MAIP1: variants seen among roughly 807,000 people sequenced by gnomAD.
The protein encoded by MAIP1 is matrix AAA peptidase interacting protein 1.
MAIP1 carries 28 observed loss-of-function variants against 31.2 expected under a neutral mutation model. The observed-to-expected ratio is 0.90, with a 90% confidence interval of 0.67 to 1.23. The LOEUF (loss-of-function observed/expected upper bound fraction) is 1.23, where lower values mean the gene tolerates loss of function less well. Ranked by LOEUF, MAIP1 falls within the 50% of genes most tolerant of loss-of-function variation. The probability of loss-of-function intolerance (pLI) is 0.00; values close to 1 mark genes in which losing one functional copy is unlikely to be tolerated. For missense variants in MAIP1, 339 were observed against 356.0 expected (o/e 0.95, Z 0.38); for synonymous variants, 142 against 142.3 (o/e 1.00, Z 0.02).
At chr2:199,955,367 G>T, upstream of MAIP1, 2 of 1,610,432 alleles carry the variant, frequency 1.2e-6, no homozygotes, top group Non-Finnish European at 1.7e-6. Flanking sequence ...GGTTTCTCGA[G>T]GTTCTGCCCC....
rs2077601255 is a variant in MAIP1, at chr2:199,956,096, G to A, written c.298G>A (p.Glu100Lys). Reference protein sequence around the residue: ...ACPQRSYSTEEKPQQHQKTKM... With the variant: ...ACPQRSYSTEKKPQQHQKTKM... ...CCCTCAGCGCAGCTACAGCACGGAG[G>A]AGAAGCCCCAGCAGCACCAGAAAAC... The change falls in exon 1 of 5, where the codon GAG becomes AAG. Residue 100 changes from glutamate to lysine, a missense_variant. Transcript: ENST00000392290. The A allele has an allele frequency of 3.1e-6, 5 of 1,614,024 alleles. No homozygotes were observed. The highest frequency in any genetic ancestry group is 3.3e-4 in the Middle Eastern group (2 of 6,084).
rs1377642335 is a variant in MAIP1, at chr2:199,959,848, C to T, written c.617C>T (p.Thr206Ile). ...ATAGATGAAATTGTATTTACATCAA[C>T]AGGAGACATCTCCATTTACTATGAT... The part of the protein sequence containing the change: ...ANIDEIVFTS[T>I]GDISIYYDEK... The change falls in exon 3 of 5, where the codon ACA (threonine) becomes ATA (isoleucine). Residue 206 changes from threonine to isoleucine, a missense_variant. Coordinates refer to ENST00000392290, the MANE Select transcript of MAIP1 (RefSeq NM_001394955.1). 1.2e-6 allele frequency: 2 copies of T among 1,611,700 alleles called. No homozygotes were observed. The highest frequency in any genetic ancestry group is 2.2e-5 in the East Asian group (1 of 44,736).
At chr2:199,962,312 A>G (rs1312970910) in intron 4 of MAIP1, among the ~76,000 whole-genome samples, 1 of 152,140 alleles carries the variant, frequency 6.6e-6, no homozygotes, top group Non-Finnish European at 1.5e-5. Flanking sequence ...TCATTTCCAC[A>G]GTGACTTCTT....
intron 1 of MAIP1, 146 bp from the exon 2 acceptor site, chr2:199,959,122 G>C (rs767885363): frequency 1.8e-6 from 1 of 561,976 alleles, no homozygotes; most frequent in Non-Finnish European, 3.2e-6. Flanking sequence ...AGTCAACCAA[G>C]AGTCATGCCT....
Position 199,955,905 on chromosome 2 carries a change from C to T in MAIP1, c.107C>T (p.Ser36Leu), listed in dbSNP as rs1346388119. The T allele has an allele frequency of 1.9e-6, 3 of 1,580,782 alleles. No individual in the cohort carries two copies. The highest frequency in any genetic ancestry group is 2.6e-6 in the Non-Finnish European group (3 of 1,162,116). Residue 36 changes from serine to leucine, a missense_variant, in exon 1 of 5, where the codon TCG becomes TTG. Transcript: ENST00000392290. ...TPAVAEVRLPSATLCYFCRCR... is the reference protein window; with the variant it reads ...TPAVAEVRLPLATLCYFCRCR... ...GCTGTGGCCGAGGTGAGGCTGCCGT[C>T]GGCCACACTTTGCTACTTCTGCCGC...
upstream of MAIP1, chr2:199,955,362 C>T (rs201696912): frequency 1.9e-6 from 3 of 1,608,994 alleles, no homozygotes; most frequent in African/African-American, 4.0e-5. Flanking sequence ...TCGCTGGTTT[C>T]TCGAGGTTCT....
At chr2:199,961,689 A>G (rs2077637568) in intron 3 of MAIP1, 92 bp from the exon 4 acceptor site, 1 of 1,199,660 alleles carries the variant, frequency 8.3e-7, no homozygotes, top group Non-Finnish European at 1.2e-6. Flanking sequence ...ACAACTGTAT[A>G]ACTGCTGCCA....
chr2:199,959,761 A>G lies in MAIP1; in HGVS notation c.530A>G (p.His177Arg), dbSNP rs1279831465. The G allele has an allele frequency of 6.2e-7, 1 of 1,611,824 alleles. No individual in the cohort carries two copies. The highest frequency in any genetic ancestry group is 1.3e-5 in the African/African-American group (1 of 74,868). Reference protein sequence around the residue: ...LEELVAKEVLHALKEKVTSLP... With the variant: ...LEELVAKEVLRALKEKVTSLP... The stretch of plus-strand genomic sequence containing the variant: ...TGCTTTTTTCAAACTTAGGTGCTAC[A>G]TGCATTGAAAGAAAAGGTTACTTCA... The change falls in exon 3 of 5, where the codon CAT becomes CGT. Residue 177 changes from histidine to arginine, a missense_variant. His to Arg is a conservative substitution (Grantham distance 29). Transcript: ENST00000392290.
At chr2:199,957,691 T>TA (rs767796784) in intron 1 of MAIP1, among the ~76,000 whole-genome samples, 9 of 152,222 alleles carry the variant, frequency 5.9e-5, no homozygotes, top group African/African-American at 1.9e-4. Context: ...TATATTTATA[T>TA]AAAAAAAGTC....
chr2:199,962,366 ACT>A (rs983852394), intron 4 of MAIP1, among the ~76,000 whole-genome samples: 1 of 151,568 alleles, frequency 6.6e-6, no homozygotes, highest in African/African-American at 2.4e-5. Context: ...CTTCTGCATG[ACT>A]CTGTATTCTC....
chr2:199,962,259 C>T (rs1426733642), intron 4 of MAIP1, among the ~76,000 whole-genome samples: 2 of 152,188 alleles, frequency 1.3e-5, no homozygotes, highest in Non-Finnish European at 1.5e-5. Flanking sequence ...GGGGTTTTCT[C>T]TGCTTCACCT....
At chr2:199,963,560 T>C (rs16832107) in intron 4 of MAIP1, among the ~76,000 whole-genome samples, 173 bp from the exon 5 acceptor site, 2,473 of 152,300 alleles carry the variant, frequency 0.016, 78 homozygotes, top group African/African-American at 0.057. Context: ...TGTGGGTATA[T>C]TTATTGTGAT....
At chr2:199,961,676 G>A in intron 3 of MAIP1, 105 bp from the exon 4 acceptor site, 1 of 994,220 alleles carries the variant, frequency 1.0e-6, no homozygotes, top group Non-Finnish European at 1.5e-6. Context: ...AATTTGACCT[G>A]TAACAACTGT....
chr2:199,957,060 C>CTTTTT (rs2077610859), intron 1 of MAIP1, among the ~76,000 whole-genome samples: 1 of 86,080 alleles, frequency 1.2e-5, no homozygotes, highest in African/African-American at 4.6e-5. Context: ...TTTTTTTGGA[C>CTTTTT]TCCTTTACAG....
At position 199,959,778 on chromosome 2, in the gene MAIP1, G is replaced by C. The variant is rs753070404; in HGVS notation, c.547G>C (p.Val183Leu). The C allele has an allele frequency of 1.2e-6, 2 of 1,612,370 alleles. No individual in the cohort carries two copies. The highest frequency in any genetic ancestry group is 2.2e-5 in the South Asian group (2 of 90,984). ...GGTGCTACATGCATTGAAAGAAAAG[G>C]TTACTTCACTACCTGACAACCATAA... ...KEVLHALKEK[V>L]TSLPDNHKNA... The change falls in exon 3 of 5, where the codon GTT becomes CTT. Residue 183 changes from valine to leucine, a missense_variant. Physicochemically the swap from Val to Leu is conservative, Grantham distance 32 (BLOSUM62 1). Coordinates refer to ENST00000392290, the MANE Select transcript of MAIP1 (RefSeq NM_001394955.1).
At chr2:199,961,674 C>G in intron 3 of MAIP1, 107 bp from the exon 4 acceptor site, 3 of 922,252 alleles carry the variant, frequency 3.3e-6, no homozygotes, top group Non-Finnish European at 4.8e-6. Context: ...AAAATTTGAC[C>G]TGTAACAACT....
Position 199,963,787 on chromosome 2 carries a change from T to C in MAIP1, c.852T>C (p.Ile284=). The change falls in exon 5 of 5, where the codon ATT becomes ATC. Residue 284 remains isoleucine, a synonymous_variant. Coordinates refer to ENST00000392290, the MANE Select transcript of MAIP1 (RefSeq NM_001394955.1). ...GVKPDWTIAR[I]EHSKLLE ...AGCCTGACTGGACCATTGCACGGATTGAACACTCAAAATTATTAGAATAAT... is the reference window on the plus strand; with the variant it reads ...AGCCTGACTGGACCATTGCACGGATCGAACACTCAAAATTATTAGAATAAT... 3.7e-6 allele frequency: 6 copies of C among 1,608,190 alleles called. No homozygotes were observed. Among genetic ancestry groups the C allele is most frequent in the Non-Finnish European group, 4.3e-6 (5 of 1,175,228 alleles).
Position 199,955,691 on chromosome 2 carries a change from C to G in MAIP1, c.-108C>G. 1.7e-6 allele frequency: 2 copies of G among 1,205,328 alleles called. No homozygotes were observed. The highest frequency in any genetic ancestry group is 2.3e-6 in the Non-Finnish European group (2 of 874,094). The allele number at this position is 1,205,328 out of a possible 1,614,324, so 74.7% of individuals were successfully genotyped here. On this transcript the variant is annotated 5_prime_UTR_variant, in exon 1 of 5. Transcript: ENST00000392290. ...GCCGACTCACCAGAGGCTGCAGCAA[C>G]AGGTCCACTTTGCTCTCCAGTCTCT...
intron 1 of MAIP1, among the ~76,000 whole-genome samples, chr2:199,958,055 A>G (rs1574819628): frequency 6.6e-6 from 1 of 152,176 alleles, no homozygotes; most frequent in East Asian, 1.9e-4. Flanking sequence ...GCTATTAAGC[A>G]GTATTTCCAC....
Sources: gnomAD v4.1 joint callset for allele counts (sites outside exome capture counted in the v4.1 genomes callset) on GRCh38, gnomAD v4.1.1 for gene constraint, MANE v1.5 for transcripts, NCBI Gene and HGNC (gene_info 2026-07-23, HGNC 2026-07-21) for gene names.